ENTPD1: variants seen among roughly 807,000 people sequenced by gnomAD.
ENTPD1 encodes ATP diphosphohydrolase.
Under a neutral mutation model 57.0 loss-of-function variants are expected in ENTPD1, and 33 were observed. That is an observed-to-expected ratio of 0.58 (90% CI 0.44 to 0.77). ENTPD1 has a LOEUF of 0.77. Among genes scored for constraint, ENTPD1 ranks in the 30% least tolerant of loss-of-function variants. The probability of loss-of-function intolerance (pLI) is 0.00; values close to 1 mark genes in which losing one functional copy is unlikely to be tolerated. For synonymous variants in ENTPD1, 202 were observed against 218.8 expected (o/e 0.92, Z 0.68); for missense variants, 501 against 603.4 (o/e 0.83, Z 1.78).
chr10:95,729,624 A>C (rs1417426730), intron 1 of ENTPD1, among the ~76,000 whole-genome samples: 5 of 152,224 alleles, frequency 3.3e-5, no homozygotes, highest in Admixed American at 2.0e-4. Flanking sequence ...GAAACAATAG[A>C]GTCAGCAAAA....
In ENTPD1 at chr10:95,787,044, G is replaced by A. The variant is rs1035678940; in HGVS notation, c.16+30789G>A. On this transcript the variant is annotated intron_variant, in intron 1 of 9. Transcript: ENST00000371205. ...TCAAGATCCCAGAGCTAGTAACCTC[G>A]AGGTTTTGTTTTGCTCTTTGGTTTT... Among the ~76,000 whole-genome samples the A allele has an allele frequency of 2.6e-5, 4 of 152,106 alleles. No individual in the cohort carries two copies. The South Asian group carries it at 6.2e-4, about 24-fold the overall frequency.
the ENTPD1 span, among the ~76,000 whole-genome samples, chr10:95,703,805 A>G: frequency 1.7e-5 from 2 of 119,540 alleles, no homozygotes; most frequent in East Asian, 5.1e-4. Flanking sequence ...AAAAAAAAAG[A>G]TCTGACTGGG....
chr10:95,780,804 G>A (rs900383204), intron 1 of ENTPD1, among the ~76,000 whole-genome samples: 2 of 152,226 alleles, frequency 1.3e-5, no homozygotes, highest in Non-Finnish European at 2.9e-5. Flanking sequence ...GGTCAGGGAA[G>A]TCTGTCTTAG....
At chr10:95,810,477 G>A (rs1459742143) in intron 1 of ENTPD1, among the ~76,000 whole-genome samples, 3 of 138,104 alleles carry the variant, frequency 2.2e-5, no homozygotes, top group Non-Finnish European at 4.7e-5. Context: ...CTCACTTCCC[G>A]GACAGGGCGG....
At chr10:95,767,116 C>T (rs1566121573) in intron 1 of ENTPD1, among the ~76,000 whole-genome samples, 1 of 151,532 alleles carries the variant, frequency 6.6e-6, no homozygotes, top group East Asian at 1.9e-4. Flanking sequence ...AAAAGCATTC[C>T]ATCCTGGCTA....
At chr10:95,720,528 A>C (rs1044098196) in intron 1 of ENTPD1, among the ~76,000 whole-genome samples, 2 of 152,132 alleles carry the variant, frequency 1.3e-5, no homozygotes, top group African/African-American at 4.8e-5. Flanking sequence ...CCGGGACAAG[A>C]GAGTAAGACT....
At chr10:95,716,846 G>T (rs150034610) in intron 1 of ENTPD1, among the ~76,000 whole-genome samples, 1 of 152,200 alleles carries the variant, frequency 6.6e-6, no homozygotes, top group African/African-American at 2.4e-5. Flanking sequence ...CTTGCTGAGC[G>T]TGACAGATGG....
chr10:95,768,006 T>C (rs1309107642), intron 1 of ENTPD1, among the ~76,000 whole-genome samples: 1 of 152,226 alleles, frequency 6.6e-6, no homozygotes, highest in African/African-American at 2.4e-5. Context: ...TGCCCTTTGC[T>C]TTCTGCCATG....
intron 1 of ENTPD1, among the ~76,000 whole-genome samples, chr10:95,789,960 G>T (rs1253301981): frequency 6.6e-6 from 1 of 152,174 alleles, no homozygotes; most frequent in Non-Finnish European, 1.5e-5. Context: ...TGGTTCTCAA[G>T]TATTTTGAGT....
intron 7 of ENTPD1, among the ~76,000 whole-genome samples, chr10:95,857,161 G>A (rs140629841): frequency 3.3e-5 from 5 of 152,150 alleles, no homozygotes; most frequent in Non-Finnish European, 4.4e-5. Context: ...TTCAAGAGCC[G>A]ATGGCATGTA....
intron 1 of ENTPD1, among the ~76,000 whole-genome samples, chr10:95,794,221 G>A (rs573864212): frequency 6.6e-6 from 1 of 152,098 alleles, no homozygotes; most frequent in East Asian, 1.9e-4. Flanking sequence ...TTAGAGTTCT[G>A]TAGCAAAGAA....
At chr10:95,715,615 T>C (rs1277342199) in intron 1 of ENTPD1, among the ~76,000 whole-genome samples, 1 of 152,212 alleles carries the variant, frequency 6.6e-6, no homozygotes, top group Non-Finnish European at 1.5e-5. Context: ...TTTCTTCTTT[T>C]TCCTCTGTTC....
intron 1 of ENTPD1, among the ~76,000 whole-genome samples, chr10:95,727,355 G>A (rs1204297707): frequency 6.6e-6 from 1 of 152,134 alleles, no homozygotes; most frequent in Non-Finnish European, 1.5e-5. Flanking sequence ...GAGAATGGTG[G>A]TCAAAATTCA....
chr10:95,825,997 G>C (rs2098374681), intron 2 of ENTPD1, among the ~76,000 whole-genome samples: 1 of 152,026 alleles, frequency 6.6e-6, no homozygotes, highest in South Asian at 2.1e-4. Flanking sequence ...CTCCAGTCTG[G>C]CTGACAGAGT....
chr10:95,697,475 T>C, the ENTPD1 span, among the ~76,000 whole-genome samples: 1 of 152,144 alleles, frequency 6.6e-6, no homozygotes, highest in African/African-American at 2.4e-5. Context: ...TAATCCCCAA[T>C]GTGCAGTATT....
At chr10:95,780,513 G>T (rs1252903706) in intron 1 of ENTPD1, among the ~76,000 whole-genome samples, 1 of 152,154 alleles carries the variant, frequency 6.6e-6, no homozygotes, top group Non-Finnish European at 1.5e-5. Flanking sequence ...TTTATAAACT[G>T]TTTTGCTTTA....
intron 1 of ENTPD1, among the ~76,000 whole-genome samples, chr10:95,746,545 A>G (rs1417027818): frequency 1.3e-5 from 2 of 152,182 alleles, no homozygotes; most frequent in East Asian, 1.9e-4. Flanking sequence ...AGTATTTTTT[A>G]TAATTGGGCC....
chr10:95,794,125 T>C (rs2098216800), intron 1 of ENTPD1, among the ~76,000 whole-genome samples: 1 of 152,362 alleles, frequency 6.6e-6, no homozygotes, highest in East Asian at 1.9e-4. Flanking sequence ...CAATCCTTAA[T>C]TGAAGCTCTA....
intron 1 of ENTPD1, among the ~76,000 whole-genome samples, chr10:95,772,032 C>T (rs2140104105): frequency 6.6e-6 from 1 of 152,300 alleles, no homozygotes; most frequent in African/African-American, 2.4e-5. Flanking sequence ...TTACACTATA[C>T]TGTATCTATT....
Sources: allele counts gnomAD v4.1 joint callset (sites outside exome capture counted in the v4.1 genomes callset), GRCh38; gene constraint gnomAD v4.1.1; transcripts MANE v1.5; gene names NCBI Gene and HGNC (gene_info 2026-07-23, HGNC 2026-07-21).